The following PSAP variants were observed in gnomAD, a reference collection of about 807,000 sequenced individuals.
PSAP encodes precursor of saposins.
Under a neutral mutation model 66.0 loss-of-function variants are expected in PSAP, and 25 were observed. The observed-to-expected ratio is 0.38, with a 90% CI of 0.28 to 0.53. The LOEUF (loss-of-function observed/expected upper bound fraction) is 0.53. Ranked by LOEUF, PSAP falls within the 20% of genes least tolerant of loss-of-function variation. PSAP has a pLI of 0.83. For missense variants in PSAP, 649 were observed against 668.8 expected, an observed-to-expected ratio of 0.97 and a Z score of 0.33; for synonymous variants, 273 against 258.9, an observed-to-expected ratio of 1.05 and a Z score of -0.52.
intron 1 of PSAP, among the ~76,000 whole-genome samples, chr10:71,847,278 A>T (rs917494145): frequency 3.3e-5 from 5 of 152,182 alleles, no homozygotes; most frequent in Non-Finnish European, 2.9e-5. Flanking sequence ...AACATGGTGA[A>T]ACCCCATCTC....
chr10:71,829,012 C>G lies in PSAP; in HGVS notation c.441G>C (p.Glu147Asp). Residue 147 changes from glutamate to aspartate, a missense_variant, in exon 5 of 14, where the codon GAG becomes GAC. Coordinates refer to ENST00000394936, the MANE Select transcript of PSAP (RefSeq NM_002778.4). ...ACTCCAGCTGCTTCTGGTGATTCAGCTCTGCTAGGTGCTTCTGGAGAGACT... is the reference window on the plus strand; with the variant it reads ...ACTCCAGCTGCTTCTGGTGATTCAGGTCTGCTAGGTGCTTCTGGAGAGACT... ...LCESLQKHLA[E>D]LNHQKQLESN... 1 of 1,614,168 alleles carries G rather than the reference C, an allele frequency of 6.2e-7. No individual in the cohort carries two copies. The highest frequency in any genetic ancestry group is 1.1e-5 in the South Asian group (1 of 91,090).
chr10:71,833,686 T>C (rs6480560), intron 2 of PSAP, among the ~76,000 whole-genome samples: 77,734 of 152,110 alleles, frequency 0.51, 20,190 homozygotes, highest in Middle Eastern at 0.58. Context: ...TGAGCTGGCA[T>C]GGTCAGCAGA....
intron 1 of PSAP, among the ~76,000 whole-genome samples, chr10:71,849,153 C>A (rs1383135099): frequency 6.6e-6 from 1 of 152,054 alleles, no homozygotes; most frequent in Admixed American, 6.6e-5. Flanking sequence ...AATTTAGAGA[C>A]CAGCATTAGT....
chr10:71,821,466 A>G (rs991876702), intron 8 of PSAP, among the ~76,000 whole-genome samples: 1 of 152,212 alleles, frequency 6.6e-6, no homozygotes, highest in Non-Finnish European at 1.5e-5. Flanking sequence ...CTTAGTATAC[A>G]GGCTGCAGGC....
At chr10:71,823,109 G>A (rs1288246963) in intron 7 of PSAP, among the ~76,000 whole-genome samples, 2 of 151,504 alleles carry the variant, frequency 1.3e-5, no homozygotes, top group East Asian at 3.9e-4. Context: ...TAAAAATTCA[G>A]GTATTTCAAC....
At chr10:71,827,726 CAAAAAA>C (rs1183654773) in intron 6 of PSAP, among the ~76,000 whole-genome samples, 1 of 84,560 alleles carries the variant, frequency 1.2e-5, no homozygotes, top group African/African-American at 4.4e-5. Context: ...CACTCAGTCT[CAAAAAA>C]AAAAAAAAAA....
intron 1 of PSAP, among the ~76,000 whole-genome samples, chr10:71,850,580 C>T (rs150558676): frequency 0.046 from 7,000 of 152,314 alleles, 217 homozygotes; most frequent in Admixed American, 0.096. Flanking sequence ...CTCCTGAGGG[C>T]TGTGTCACGG....
At chr10:71,827,377 C>T (rs1228498306) in intron 6 of PSAP, among the ~76,000 whole-genome samples, 6 of 136,754 alleles carry the variant, frequency 4.4e-5, no homozygotes, top group East Asian at 2.1e-4. Context: ...TCAGCCTGGG[C>T]GACAGAGCGA....
chr10:71,840,385 C>A (rs1842713761), intron 1 of PSAP, among the ~76,000 whole-genome samples: 5 of 152,174 alleles, frequency 3.3e-5, no homozygotes, highest in Admixed American at 3.3e-4. Flanking sequence ...TCATGCACTT[C>A]CATCCCCTAA....
Position 71,834,520 on chromosome 10 carries a change from A to G in PSAP, c.41-15T>C, listed in dbSNP as rs761664429. ...GCCGGCTAGAGCTAAAATGAAAACC[A>G]ACGTGAGGAGGTGGCCCATTTTGTA... On this transcript the variant is annotated splice_polypyrimidine_tract_variant and intron_variant, in intron 1 of 13. Transcript: ENST00000394936. 7 of 1,613,318 alleles carry G rather than the reference A, an allele frequency of 4.3e-6. No individual in the cohort carries two copies. The highest frequency in any genetic ancestry group is 3.3e-5 in the South Asian group (3 of 90,922).
chr10:71,817,170 G>C lies in PSAP; in HGVS notation c.*271C>G, dbSNP rs1298934291. The C allele has an allele frequency of 2.2e-5, 12 of 544,540 alleles. No homozygotes were observed. The highest frequency in any genetic ancestry group is 6.2e-5 in the Admixed American group (2 of 32,230). The allele number at this position is 544,540 out of a possible 1,614,324, so 33.7% of individuals were successfully genotyped here. On this transcript the variant is annotated 3_prime_UTR_variant, in exon 14 of 14. Transcript: ENST00000394936. ...GCCAGCAGAGCTCTCTCCTCCTCCAGCAGGCGCCATGCAAGGGCAGGCTAA... is the reference window on the plus strand; with the variant it reads ...GCCAGCAGAGCTCTCTCCTCCTCCACCAGGCGCCATGCAAGGGCAGGCTAA...
At chr10:71,841,431 T>A (rs1034955177) in intron 1 of PSAP, among the ~76,000 whole-genome samples, 4 of 152,242 alleles carry the variant, frequency 2.6e-5, no homozygotes, top group African/African-American at 9.6e-5. Flanking sequence ...GTTAGTACTT[T>A]ATAGGAATAC....
chr10:71,818,009 C>A (rs1842210453), intron 13 of PSAP, among the ~76,000 whole-genome samples: 1 of 152,226 alleles, frequency 6.6e-6, no homozygotes, highest in Admixed American at 6.5e-5. Context: ...CGAAATGACA[C>A]AACCGCCACT....
At chr10:71,843,462 G>C (rs918538945) in intron 1 of PSAP, among the ~76,000 whole-genome samples, 1 of 152,160 alleles carries the variant, frequency 6.6e-6, no homozygotes, top group African/African-American at 2.4e-5. Context: ...CACAGCTACT[G>C]AGAGAGTCAT....
In PSAP at chr10:71,819,613, G is replaced by A; in HGVS notation, c.1202C>T (p.Thr401Ile). ...TRLPALTVHV[T>I]QPKDGGFCEV... is the part of the protein sequence containing the mutation. ...GCAGAAGCCACCGTCCTTTGGCTGAGTCACGTGAACTACATAAGAGGGCAG... is the reference window on the plus strand; with the variant it reads ...GCAGAAGCCACCGTCCTTTGGCTGAATCACGTGAACTACATAAGAGGGCAG... Residue 401 changes from threonine (T) to isoleucine (I), a missense_variant, in exon 11 of 14, where the codon ACT (threonine) becomes ATT (isoleucine). Thr to Ile is a moderately conservative substitution (Grantham distance 89). Coordinates refer to ENST00000394936, the MANE Select transcript of PSAP (RefSeq NM_002778.4). 1.2e-6 allele frequency: 2 copies of A among 1,614,192 alleles called. No individual in the cohort carries two copies. Among genetic ancestry groups the A allele is most frequent in the South Asian group, 1.1e-5 (1 of 91,086 alleles).
At chr10:71,850,968 C>G (rs1280606163) in intron 1 of PSAP, among the ~76,000 whole-genome samples, 18 of 152,236 alleles carry the variant, frequency 1.2e-4, no homozygotes, top group Non-Finnish European at 1.9e-4. Flanking sequence ...GGGCCTGGGC[C>G]GTCCTCCCGG....
chr10:71,848,705 C>CAATG (rs2133071649), intron 1 of PSAP, among the ~76,000 whole-genome samples: 1 of 152,328 alleles, frequency 6.6e-6, no homozygotes, highest in South Asian at 2.1e-4. Context: ...GGGCAGCAGA[C>CAATG]AATGGCTGCA....
At chr10:71,818,882 G>A (rs897125890) in intron 12 of PSAP, 149 bp downstream of exon 12, 2 of 1,007,428 alleles carry the variant, frequency 2.0e-6, no homozygotes, top group African/African-American at 1.6e-5. Context: ...GATGGGGCTT[G>A]GGGGGCTGGC....
At chr10:71,831,528 C>A (rs973105273) in intron 3 of PSAP, among the ~76,000 whole-genome samples, 10 of 152,180 alleles carry the variant, frequency 6.6e-5, no homozygotes, top group African/African-American at 2.4e-4. Flanking sequence ...GTATTAGTGG[C>A]ATGCAATACA....
Sources: allele counts gnomAD v4.1 joint callset (sites outside exome capture counted in the v4.1 genomes callset), GRCh38; gene constraint gnomAD v4.1.1; transcripts MANE v1.5; gene names NCBI Gene and HGNC (gene_info 2026-07-23, HGNC 2026-07-21).